The following USP15 variants were observed in gnomAD, a reference collection of about 807,000 sequenced individuals.
USP15 encodes ubiquitin specific peptidase 15, also known as ubiquitin carboxyl-terminal hydrolase 15.
A neutral mutation model predicts 127.1 loss-of-function variants in USP15; 18 were observed. That is an observed-to-expected ratio of 0.14 (90% CI 0.10 to 0.21). The LOEUF is 0.21. Among genes scored for constraint, USP15 ranks in the 10% least tolerant of loss-of-function variants. The probability of loss-of-function intolerance (pLI) is 1.00; values close to 1 mark genes in which losing one functional copy is unlikely to be tolerated. For missense variants in USP15, 805 were observed against 1,159.9 expected, an observed-to-expected ratio of 0.69 and a Z score of 4.44; for synonymous variants, 364 against 393.7, an observed-to-expected ratio of 0.92 and a Z score of 0.89.
intron 3 of USP15, among the ~76,000 whole-genome samples, chr12:62,304,489 T>C (rs978542884): frequency 1.3e-5 from 2 of 152,144 alleles, no homozygotes; most frequent in African/African-American, 4.8e-5. Context: ...CCCACATGAC[T>C]GATGCAGGTG....
rs901891207 is a variant in USP15 at position 62,413,672 on chromosome 12, G to A, written c.*9297G>A. On this transcript the variant is annotated 3_prime_UTR_variant, in exon 22 of 22. Coordinates refer to ENST00000280377, the MANE Select transcript of USP15 (RefSeq NM_001252078.2). Reference sequence around the variant, plus strand: ...TTGAAGAGAGAGGGCCTTGCTCTGCGTTAGGCTTTGGCTTAAGATAGTGTT... The same window carrying A: ...TTGAAGAGAGAGGGCCTTGCTCTGCATTAGGCTTTGGCTTAAGATAGTGTT... 4.0e-5 allele frequency: 6 copies of A among 151,894 alleles called. No individual in the cohort carries two copies. Among genetic ancestry groups the A allele is most frequent in the African/African-American group, 1.2e-4 (5 of 41,390 alleles). 9.4% of individuals were successfully genotyped at this position (151,894 alleles called of 1,614,324 possible).
intron 19 of USP15, among the ~76,000 whole-genome samples, chr12:62,394,694 A>G (rs1311157366): frequency 1.3e-5 from 2 of 152,082 alleles, no homozygotes; most frequent in Admixed American, 6.6e-5. Context: ...CCAAAATTCA[A>G]AAACATTAGC....
intron 1 of USP15, among the ~76,000 whole-genome samples, chr12:62,283,245 T>C (rs2063700491): frequency 6.6e-6 from 1 of 152,188 alleles, no homozygotes; most frequent in African/African-American, 2.4e-5. Flanking sequence ...GAGAAAAAGC[T>C]TGGCAAGTGC....
chr12:62,337,470 A>T (rs73136831), intron 6 of USP15, among the ~76,000 whole-genome samples: 16,257 of 151,956 alleles, frequency 0.11, 938 homozygotes, highest in Middle Eastern at 0.17. Context: ...TGTCTTTTTT[A>T]AATTTTATTT....
intron 7 of USP15, among the ~76,000 whole-genome samples, chr12:62,351,710 T>G (rs1246667814): frequency 6.6e-6 from 1 of 152,016 alleles, no homozygotes; most frequent in African/African-American, 2.4e-5. Flanking sequence ...TTTTAGCTAT[T>G]TATATTTTTT....
In USP15 at chr12:62,411,296, G is replaced by A. The variant is rs2068035073; in HGVS notation, c.*6921G>A. On this transcript the variant is annotated 3_prime_UTR_variant, in exon 22 of 22. Transcript: ENST00000280377. ...TCTTTAACTGGCTCCTCACTTTTTA[G>A]ATGGATGGCACTGGGCTCTGGAGCA... 1 of 152,204 alleles carries A rather than the reference G, an allele frequency of 6.6e-6. No individual in the cohort carries two copies. Among genetic ancestry groups the A allele is most frequent in the Admixed American group, 6.5e-5 (1 of 15,276 alleles). The allele number at this position is 152,204 out of a possible 1,614,324, so 9.4% of individuals were successfully genotyped here.
chr12:62,380,716 T>C (rs1414399682), intron 8 of USP15, among the ~76,000 whole-genome samples: 2 of 152,066 alleles, frequency 1.3e-5, no homozygotes, highest in East Asian at 1.9e-4. Context: ...TGGGTTTGTA[T>C]TGAGGTCAAA....
chr12:62,300,699 A>C (rs1053659846), intron 2 of USP15, among the ~76,000 whole-genome samples: 2 of 152,158 alleles, frequency 1.3e-5, no homozygotes, highest in African/African-American at 4.8e-5. Context: ...GTATTTGGAT[A>C]TCTGTTTGCA....
At chr12:62,315,006 T>A in intron 4 of USP15, 90 bp downstream of exon 4, 3 of 1,235,626 alleles carry the variant, frequency 2.4e-6, no homozygotes, top group Non-Finnish European at 3.2e-6. Flanking sequence ...ATGATAACCA[T>A]TTTAAGGATT....
chr12:62,311,357 G>A (rs1007260542), intron 3 of USP15, among the ~76,000 whole-genome samples: 5 of 151,790 alleles, frequency 3.3e-5, no homozygotes, highest in African/African-American at 1.2e-4. Context: ...GAAGGAGTAG[G>A]TCACTAATGT....
chr12:62,282,986 A>G (rs1327098302), intron 1 of USP15, among the ~76,000 whole-genome samples: 1 of 152,328 alleles, frequency 6.6e-6, no homozygotes, highest in East Asian at 1.9e-4. Flanking sequence ...TCCATATTCT[A>G]TTTTTAATGG....
At chr12:62,381,776 A>G (rs2066997513) in intron 9 of USP15, 113 bp downstream of exon 9, 6 of 1,003,124 alleles carry the variant, frequency 6.0e-6, no homozygotes, top group African/African-American at 1.6e-5. Context: ...TGGCCCTCCA[A>G]AGGAACACAG....
rs977123777 is a variant in USP15 at position 62,343,908 on chromosome 12, C to G, written c.684-5313C>G. On this transcript the variant is annotated intron_variant, in intron 6 of 21. Coordinates refer to ENST00000280377, the MANE Select transcript of USP15 (RefSeq NM_001252078.2). ...ATCTCATGAGACCCATTCACTATCACAGAACAGCATGGAAAAGACTCGCCT... is the reference window on the plus strand; with the variant it reads ...ATCTCATGAGACCCATTCACTATCAGAGAACAGCATGGAAAAGACTCGCCT... Among the ~76,000 whole-genome samples the G allele has an allele frequency of 2.0e-5, 3 of 152,154 alleles. No homozygotes were observed. In the East Asian group the frequency reaches 5.8e-4, roughly 29 times the overall value.
intron 2 of USP15, among the ~76,000 whole-genome samples, chr12:62,300,587 A>G (rs2064281558): frequency 7.9e-6 from 1 of 125,852 alleles, no homozygotes; most frequent in African/African-American, 3.0e-5. Context: ...AGATTAGAGA[A>G]TCCAGAAATA....
chr12:62,379,518 C>T (rs2066925970), intron 8 of USP15, among the ~76,000 whole-genome samples: 1 of 151,974 alleles, frequency 6.6e-6, no homozygotes, highest in African/African-American at 2.4e-5. Flanking sequence ...TAAGCTCTTT[C>T]CAAGATAAGA....
rs747546731 is a variant in USP15, at chr12:62,314,109, A to G, written c.349-681A>G. The G allele has an allele frequency of 1.6e-3, 1,020 of 650,468 alleles. 1 individual carries two copies. Among genetic ancestry groups the G allele is most frequent in the Non-Finnish European group, 1.9e-3 (971 of 524,196 alleles). 40.3% of individuals were successfully genotyped at this position (650,468 alleles called of 1,614,324 possible). On this transcript the variant is annotated intron_variant, in intron 3 of 21. Transcript: ENST00000280377. ...TTCCTTTTTATGCTTTATGGCTTGC[A>G]TGCTTAACAGCTTTCTTTTAATTGC...
At chr12:62,384,426 T>A in intron 11 of USP15, 124 bp downstream of exon 11, 1 of 763,918 alleles carries the variant, frequency 1.3e-6, no homozygotes, top group Non-Finnish European at 2.0e-6. Flanking sequence ...GCCCAATCAA[T>A]AATGTTTATT....
rs2066234355 is a variant in USP15 at position 62,359,199 on chromosome 12, A to G, written c.915+3724A>G. Among the ~76,000 whole-genome samples, 4 of 151,230 alleles carry G rather than the reference A, an allele frequency of 2.6e-5. No homozygotes were observed. The South Asian group carries it at 8.4e-4, about 32-fold the overall frequency. ...CCCCAGAAGCTTTCTCATGGATCCC[A>G]GGACTCTGAGGAACAGTTTGAAAGC... On this transcript the variant is annotated intron_variant, in intron 8 of 21. Transcript: ENST00000280377.
chr12:62,352,358 G>C (rs1565879653), intron 7 of USP15, among the ~76,000 whole-genome samples: 1 of 151,742 alleles, frequency 6.6e-6, no homozygotes. Context: ...TTAGTCCCTT[G>C]TGTATTTGGT....
Sources: allele counts gnomAD v4.1 joint callset (sites outside exome capture counted in the v4.1 genomes callset), GRCh38; gene constraint gnomAD v4.1.1; transcripts MANE v1.5; gene names NCBI Gene and HGNC (gene_info 2026-07-23, HGNC 2026-07-21).